Variants in GALNTL6 observed in about 807,000 individuals in gnomAD.
GALNTL6 encodes the protein polypeptide N-acetylgalactosaminyltransferase like 6, also known as polypeptide N-acetylgalactosaminyltransferase-like 6.
GALNTL6 carries 46 observed loss-of-function variants against 73.7 expected under a neutral mutation model. That is an observed-to-expected ratio of 0.62 (90% CI 0.49 to 0.80). The LOEUF (loss-of-function observed/expected upper bound fraction) is 0.80. Among genes scored for constraint, GALNTL6 ranks in the 30% least tolerant of loss-of-function variants. The pLI is 0.00. For missense variants in GALNTL6, 604 were observed against 755.0 expected (o/e 0.80, Z 2.34); for synonymous variants, 259 against 263.7 (o/e 0.98, Z 0.17).
intron 2 of GALNTL6, among the ~76,000 whole-genome samples, chr4:172,028,322 G>A (rs1252412970): frequency 6.6e-6 from 1 of 151,754 alleles, no homozygotes; most frequent in Non-Finnish European, 1.5e-5. Flanking sequence ...AAAATATAAA[G>A]TTGACAGTAT....
chr4:172,929,489 G>A (rs1423348060), intron 8 of GALNTL6, among the ~76,000 whole-genome samples: 1 of 152,134 alleles, frequency 6.6e-6, no homozygotes, highest in Non-Finnish European at 1.5e-5. Flanking sequence ...CACGATTGTG[G>A]AAGCTTGGTA....
intron 10 of GALNTL6, among the ~76,000 whole-genome samples, chr4:173,006,356 T>A (rs1435408808): frequency 6.6e-6 from 1 of 152,148 alleles, no homozygotes; most frequent in African/African-American, 2.4e-5. Context: ...CAGAGTTCTG[T>A]CAGGTAGCTT....
At chr4:172,687,309 T>G (rs1732975376) in intron 5 of GALNTL6, among the ~76,000 whole-genome samples, 1 of 152,072 alleles carries the variant, frequency 6.6e-6, no homozygotes, top group African/African-American at 2.4e-5. Context: ...GTGCTTTCAT[T>G]TTAAGTGGGT....
rs376678888 is a variant in GALNTL6, at chr4:172,489,267, C to T, written c.553+140578C>T. On this transcript the variant is annotated intron_variant, in intron 5 of 12. Transcript: ENST00000506823. The stretch of plus-strand genomic sequence containing the variant: ...TACCATTGAGTCATACACATGCGCA[C>T]GCACGCAGACACACACACACGCTCA... Among the ~76,000 whole-genome samples, 8 of 152,188 alleles carry T rather than the reference C, an allele frequency of 5.3e-5. No homozygotes were observed. In the East Asian group the frequency reaches 5.8e-4, roughly 11 times the overall value.
At chr4:172,592,666 G>GTCTA (rs771397583) in intron 5 of GALNTL6, among the ~76,000 whole-genome samples, 2,915 of 109,196 alleles carry the variant, frequency 0.027, 33 homozygotes, top group Non-Finnish European at 0.035. Context: ...CTGTCTGTCT[G>GTCTA]TCTGTCTATC....
chr4:172,474,761 C>T (rs1733173277), intron 5 of GALNTL6, among the ~76,000 whole-genome samples: 1 of 152,028 alleles, frequency 6.6e-6, no homozygotes, highest in Non-Finnish European at 1.5e-5. Flanking sequence ...TCTTGATTCT[C>T]TTGGAATGAA....
intron 2 of GALNTL6, among the ~76,000 whole-genome samples, chr4:172,219,900 C>T (rs1443764599): frequency 6.6e-6 from 1 of 151,916 alleles, no homozygotes; most frequent in African/African-American, 2.4e-5. Context: ...CTTGCTTACC[C>T]ACGTAAGAAC....
chr4:172,727,958 G>A (rs1014872260), intron 5 of GALNTL6, among the ~76,000 whole-genome samples: 11 of 151,632 alleles, frequency 7.3e-5, no homozygotes, highest in Non-Finnish European at 8.8e-5. Context: ...TATCACCCAG[G>A]CTGGAGTGCA....
intron 5 of GALNTL6, among the ~76,000 whole-genome samples, chr4:172,687,846 T>A (rs1414273159): frequency 2.6e-5 from 4 of 152,174 alleles, no homozygotes; most frequent in Non-Finnish European, 4.4e-5. Flanking sequence ...CTCGGGATTA[T>A]AAATATTCAG....
chr4:172,099,592 G>T (rs181065461), intron 2 of GALNTL6, among the ~76,000 whole-genome samples: 2 of 152,234 alleles, frequency 1.3e-5, no homozygotes, highest in East Asian at 1.9e-4. Context: ...AAGGGCAACA[G>T]CACTAAGATA....
At chr4:172,373,565 G>T (rs1217889301) in intron 5 of GALNTL6, among the ~76,000 whole-genome samples, 2 of 152,208 alleles carry the variant, frequency 1.3e-5, no homozygotes, top group South Asian at 4.1e-4. Context: ...AAGGAAAAGA[G>T]GTGGGGTCTT....
At chr4:172,859,875 G>A (rs1374048611) in intron 7 of GALNTL6, among the ~76,000 whole-genome samples, 1 of 152,094 alleles carries the variant, frequency 6.6e-6, no homozygotes, top group Non-Finnish European at 1.5e-5. Context: ...AATACCTGAT[G>A]ATCTGTCATT....
intron 2 of GALNTL6, among the ~76,000 whole-genome samples, chr4:171,966,653 C>T (rs1234716235): frequency 6.6e-6 from 1 of 152,128 alleles, no homozygotes; most frequent in African/African-American, 2.4e-5. Context: ...TTGAGAGCCT[C>T]TGCATTGGGC....
chr4:172,084,114 G>T (rs774161121), intron 2 of GALNTL6, among the ~76,000 whole-genome samples: 2 of 152,146 alleles, frequency 1.3e-5, no homozygotes, highest in Non-Finnish European at 2.9e-5. Flanking sequence ...CTATGACAAA[G>T]GCTGTGAAAA....
intron 5 of GALNTL6, among the ~76,000 whole-genome samples, chr4:172,600,661 A>G (rs1375554149): frequency 6.6e-6 from 1 of 152,178 alleles, no homozygotes; most frequent in Non-Finnish European, 1.5e-5. Context: ...CCAAGAGTAT[A>G]GAGACATTTG....
intron 5 of GALNTL6, among the ~76,000 whole-genome samples, chr4:172,799,434 A>T (rs966284769): frequency 1.3e-5 from 2 of 152,158 alleles, no homozygotes; most frequent in African/African-American, 4.8e-5. Context: ...ACTATGTTCT[A>T]TATTGAAAGC....
At chr4:172,545,919 G>A (rs954396725) in intron 5 of GALNTL6, among the ~76,000 whole-genome samples, 12 of 152,086 alleles carry the variant, frequency 7.9e-5, no homozygotes, top group East Asian at 1.9e-4. Flanking sequence ...CAACTTACTC[G>A]TTTAGAATAG....
chr4:172,745,584 T>C (rs780692972), intron 5 of GALNTL6, among the ~76,000 whole-genome samples: 40 of 152,032 alleles, frequency 2.6e-4, no homozygotes, highest in Non-Finnish European at 4.9e-4. Context: ...CTAAGGTCAA[T>C]ATACTTGCCT....
At chr4:172,021,426 G>C (rs1475085103) in intron 2 of GALNTL6, among the ~76,000 whole-genome samples, 1 of 151,926 alleles carries the variant, frequency 6.6e-6, no homozygotes, top group South Asian at 2.1e-4. Context: ...ATAAGACATT[G>C]ACGAAAGAAA....
Sources: allele counts gnomAD v4.1 joint callset (sites outside exome capture counted in the v4.1 genomes callset), GRCh38; gene constraint gnomAD v4.1.1; transcripts MANE v1.5; gene names NCBI Gene and HGNC (gene_info 2026-07-23, HGNC 2026-07-21).